Variants in AK4 observed in about 807,000 individuals in gnomAD.
The protein encoded by AK4 is adenylate kinase 4, mitochondrial.
In AK4, 13 loss-of-function variants were observed where a neutral mutation model predicts 24.6. That is an observed-to-expected ratio of 0.53 (90% CI 0.34 to 0.84). The LOEUF is 0.84. Ranked by LOEUF, AK4 falls within the 40% of genes least tolerant of loss-of-function variation. The probability of loss-of-function intolerance (pLI) is 0.01; values close to 1 mark genes in which losing one functional copy is unlikely to be tolerated. For missense variants in AK4, 192 were observed against 288.2 expected, an observed-to-expected ratio of 0.67 and a Z score of 2.42; for synonymous variants, 88 against 107.0, an observed-to-expected ratio of 0.82 and a Z score of 1.10.
chr1:65,219,073 T>C (rs569698404), intron 3 of AK4, 147 bp downstream of exon 3: 100 of 525,196 alleles, frequency 1.9e-4, no homozygotes, highest in African/African-American at 1.8e-3. Flanking sequence ...TCAAATGTAG[T>C]TGTCAGGGAA....
chr1:65,169,724 C>T (rs932847337), intron 1 of AK4, among the ~76,000 whole-genome samples: 8 of 152,004 alleles, frequency 5.3e-5, no homozygotes, highest in Non-Finnish European at 1.0e-4. Context: ...CAGATCTGGC[C>T]TGGTCAGGAT....
At chr1:65,196,770 T>A (rs1651485334) in intron 2 of AK4, among the ~76,000 whole-genome samples, 1 of 152,134 alleles carries the variant, frequency 6.6e-6, no homozygotes, top group African/African-American at 2.4e-5. Context: ...CTGGCTAATT[T>A]TTCACTTTTT....
intron 1 of AK4, among the ~76,000 whole-genome samples, chr1:65,163,118 A>G (rs530493803): frequency 3.3e-5 from 5 of 152,288 alleles, no homozygotes; most frequent in Admixed American, 2.0e-4. Flanking sequence ...TCTCTTGGGT[A>G]TATACCTAAG....
At chr1:65,174,353 C>CGTTTTCTTAATTCAGAGACTGA (rs1553123129) in intron 1 of AK4, among the ~76,000 whole-genome samples, 7 of 151,996 alleles carry the variant, frequency 4.6e-5, no homozygotes, top group African/African-American at 1.5e-4. Flanking sequence ...ACAAGGAACT[C>CGTTTTCTTAATTCAGAGACTGA]GTTTTCTTAA....
intron 2 of AK4, among the ~76,000 whole-genome samples, chr1:65,212,270 A>G (rs1369670291): frequency 6.6e-6 from 1 of 152,092 alleles, no homozygotes; most frequent in Non-Finnish European, 1.5e-5. Flanking sequence ...AGGTAGGTAG[A>G]AGAAAGATAG....
chr1:65,162,327 C>T (rs1406546428), intron 1 of AK4, among the ~76,000 whole-genome samples: 5 of 151,884 alleles, frequency 3.3e-5, no homozygotes, highest in Admixed American at 6.6e-5. Flanking sequence ...GGAGAGGATG[C>T]GGGAGGAGGC....
intron 1 of AK4, among the ~76,000 whole-genome samples, chr1:65,150,135 C>T (rs1002405212): frequency 6.6e-6 from 1 of 152,132 alleles, no homozygotes; most frequent in Non-Finnish European, 1.5e-5. Context: ...GAATGAAGGG[C>T]TTCACACTGT....
intron 2 of AK4, among the ~76,000 whole-genome samples, chr1:65,195,529 G>A (rs1401292159): frequency 2.6e-4 from 39 of 152,300 alleles, no homozygotes; most frequent in Non-Finnish European, 2.9e-5. Context: ...AGGATCATCT[G>A]TGTTAAACTC....
intron 3 of AK4, among the ~76,000 whole-genome samples, chr1:65,224,049 A>T (rs1318150231): frequency 3.9e-5 from 6 of 152,208 alleles, no homozygotes; most frequent in Non-Finnish European, 8.8e-5. Context: ...CAGTTAAGGT[A>T]TATTTTTTGT....
chr1:65,153,973 G>A (rs1649885902), intron 1 of AK4, among the ~76,000 whole-genome samples: 1 of 152,232 alleles, frequency 6.6e-6, no homozygotes, highest in African/African-American at 2.4e-5. Flanking sequence ...TGCCAGATCA[G>A]GTAGAGCCTG....
At chr1:65,212,085 A>G (rs2101073643) in intron 2 of AK4, among the ~76,000 whole-genome samples, 1 of 152,232 alleles carries the variant, frequency 6.6e-6, no homozygotes, top group East Asian at 1.9e-4. Context: ...TGGCACGGAG[A>G]CGTGGACAGA....
At chr1:65,178,040 C>A (rs571569644) in intron 1 of AK4, among the ~76,000 whole-genome samples, 4 of 151,478 alleles carry the variant, frequency 2.6e-5, no homozygotes, top group South Asian at 2.1e-4. Flanking sequence ...CAGGGGTGAA[C>A]GATACAAAAA....
At chr1:65,185,633 T>A (rs1218863565) in intron 1 of AK4, among the ~76,000 whole-genome samples, 1 of 151,464 alleles carries the variant, frequency 6.6e-6, no homozygotes, top group African/African-American at 2.4e-5. Flanking sequence ...TCTTTTTTTT[T>A]TTTTTTTTGA....
intron 3 of AK4, among the ~76,000 whole-genome samples, chr1:65,224,320 A>G (rs1230203668): frequency 6.6e-6 from 1 of 152,062 alleles, no homozygotes; most frequent in Non-Finnish European, 1.5e-5. Context: ...CTAGATTAGT[A>G]TTTTTCCTAA....
intron 1 of AK4, among the ~76,000 whole-genome samples, chr1:65,165,385 T>C (rs1247177995): frequency 1.3e-5 from 2 of 152,044 alleles, no homozygotes; most frequent in Non-Finnish European, 2.9e-5. Flanking sequence ...CAATTAAAAT[T>C]AAGGGAACTT....
At chr1:65,196,407 A>C (rs1651472769) in intron 2 of AK4, among the ~76,000 whole-genome samples, 1 of 152,286 alleles carries the variant, frequency 6.6e-6, no homozygotes, top group African/African-American at 2.4e-5. Context: ...TTGCTAAAAA[A>C]AAAGTTCAGC....
intron 1 of AK4, among the ~76,000 whole-genome samples, chr1:65,161,861 G>A (rs1178387262): frequency 6.6e-6 from 1 of 152,122 alleles, no homozygotes; most frequent in Non-Finnish European, 1.5e-5. Flanking sequence ...AGGAAGAGTG[G>A]GAAGACTACT....
intron 1 of AK4, among the ~76,000 whole-genome samples, chr1:65,149,809 G>A (rs1442919556): frequency 6.6e-6 from 1 of 152,100 alleles, no homozygotes; most frequent in Non-Finnish European, 1.5e-5. Flanking sequence ...GTACCAGATT[G>A]CACTTGAGTT....
At chr1:65,194,355 A>G (rs917042184) in intron 2 of AK4, among the ~76,000 whole-genome samples, 2 of 152,244 alleles carry the variant, frequency 1.3e-5, no homozygotes, top group Non-Finnish European at 2.9e-5. Context: ...TATAACAAGA[A>G]TAACCTTTAC....
Sources: allele counts gnomAD v4.1 joint callset (sites outside exome capture counted in the v4.1 genomes callset), GRCh38; gene constraint gnomAD v4.1.1; transcripts MANE v1.5; gene names NCBI Gene and HGNC (gene_info 2026-07-23, HGNC 2026-07-21).